Variants in COL28A1 observed in about 807,000 individuals in gnomAD.
COL28A1 encodes collagen alpha-1(XXVIII) chain.
A neutral mutation model predicts 150.2 loss-of-function variants in COL28A1; 161 were observed. The ratio of observed to expected loss-of-function variants is 1.07; its 90% CI spans 0.94 to 1.22. The LOEUF (loss-of-function observed/expected upper bound fraction) is 1.22, where lower values mean the gene tolerates loss of function less well. Ranked by LOEUF, COL28A1 falls within the 50% of genes most tolerant of loss-of-function variation. The pLI is 0.00. For missense variants in COL28A1, 1,617 were observed against 1,388.3 expected (o/e 1.16, Z -2.62); for synonymous variants, 552 against 469.7 (o/e 1.18, Z -2.26).
intron 11 of COL28A1, among the ~76,000 whole-genome samples, chr7:7,497,082 AAAGGAAGGAAGAAAGGAAGGAAGGAAGG>A (rs1408345113): frequency 5.8e-5 from 7 of 120,784 alleles, no homozygotes; most frequent in African/African-American, 2.1e-4. Context: ...AGGAAGGAAG[AAAGGAAGGAAGAAAGGAAGGAAGGAAGG>A]AAGGAAGGAA....
At chr7:7,431,449 A>G (rs556816149) in intron 25 of COL28A1, 77 of 458,486 alleles carry the variant, frequency 1.7e-4, no homozygotes, top group Middle Eastern at 7.9e-4. Context: ...TGGGGTAGTA[A>G]TGCTTTCTGT....
At chr7:7,363,052 C>T (rs907216995) in intron 33 of COL28A1, among the ~76,000 whole-genome samples, 11 of 151,956 alleles carry the variant, frequency 7.2e-5, no homozygotes, top group Non-Finnish European at 1.6e-4. Context: ...TAGTGACAAA[C>T]CTTCAGGAAA....
intron 9 of COL28A1, 26 bp from the exon 10 acceptor site, chr7:7,507,187 C>T (rs1380219386): frequency 2.0e-6 from 2 of 996,924 alleles, no homozygotes; most frequent in Non-Finnish European, 3.2e-6. Context: ...GAAAATAAGT[C>T]TCTCTAAATA....
At chr7:7,419,645 CA>C (rs767361519) in intron 26 of COL28A1, among the ~76,000 whole-genome samples, 13 of 152,176 alleles carry the variant, frequency 8.5e-5, no homozygotes, top group Non-Finnish European at 1.6e-4. Flanking sequence ...ATGTTCTGAG[CA>C]CTTTGCAGTT....
chr7:7,461,022 C>G (rs570590813), intron 15 of COL28A1, among the ~76,000 whole-genome samples: 1 of 152,168 alleles, frequency 6.6e-6, no homozygotes, highest in African/African-American at 2.4e-5. Flanking sequence ...AGAAAACCCA[C>G]GGACTTGCTG....
chr7:7,443,127 TC>T (rs1785941803), intron 20 of COL28A1, among the ~76,000 whole-genome samples: 1 of 152,164 alleles, frequency 6.6e-6, no homozygotes, highest in Non-Finnish European at 1.5e-5. Flanking sequence ...ATTTGTATAG[TC>T]TCATCTTAAC....
rs33991942 is a variant in COL28A1 at position 7,391,801 on chromosome 7, C to CTT, written c.2137-10191_2137-10190dup. Among the ~76,000 whole-genome samples, 381 of 115,828 alleles carry CTT rather than the reference C, an allele frequency of 3.3e-3. 3 individuals carry two copies. The highest frequency in any genetic ancestry group is 5.5e-3 in the Non-Finnish European group (311 of 56,296). 76.0% of individuals were successfully genotyped at this position (115,828 alleles called of 152,430 possible). A position where few individuals can be genotyped will look rare whatever the true frequency, so the allele number is the denominator to read the frequency against. ...TCAGAGACTAGGATTGCAACCCCTG[C>CTT]TTTTTTTTTTTTTTTTTTTGCTTTC... On this transcript the variant is annotated intron_variant, in intron 27 of 34. Coordinates refer to ENST00000399429, the MANE Select transcript of COL28A1 (RefSeq NM_001037763.3).
chr7:7,540,670 T>C (rs944200598), upstream of COL28A1, among the ~76,000 whole-genome samples: 14 of 152,320 alleles, frequency 9.2e-5, no homozygotes, highest in African/African-American at 3.4e-4. Context: ...GGAAGCTGTA[T>C]GGCTAATAAT....
At chr7:7,461,213 G>A (rs1787593580) in intron 15 of COL28A1, among the ~76,000 whole-genome samples, 1 of 152,224 alleles carries the variant, frequency 6.6e-6, no homozygotes, top group South Asian at 2.1e-4. Context: ...CAGGAGTAGA[G>A]AAAGCAGCAG....
chr7:7,399,426 A>G lies in COL28A1; in HGVS notation c.2137-17814T>C, dbSNP rs150132988. Among the ~76,000 whole-genome samples the G allele has an allele frequency of 7.1e-3, 1,086 of 152,236 alleles. 7 individuals carry two copies. Among genetic ancestry groups the G allele is most frequent in the Middle Eastern group, 0.017 (5 of 294 alleles). On this transcript the variant is annotated intron_variant, in intron 27 of 34. Transcript: ENST00000399429. ...TATTATAAACTCCCAAAGTGGAGGC[A>G]TTTCTCCTTATTAGCCTTTCTACCT... is the stretch of plus-strand genomic sequence containing the variant.
intron 23 of COL28A1, 53 bp from the exon 24 acceptor site, chr7:7,432,753 G>T (rs754792415): frequency 2.1e-6 from 3 of 1,422,164 alleles, no homozygotes; most frequent in Non-Finnish European, 3.0e-6. Context: ...GAAAACACCT[G>T]GTCAAACTTA....
At chr7:7,532,985 A>G in intron 1 of COL28A1, 73 bp from the exon 2 acceptor site, 1 of 1,358,420 alleles carries the variant, frequency 7.4e-7, no homozygotes, top group Non-Finnish European at 9.5e-7. Flanking sequence ...TCAAGCCAGC[A>G]GGGTTGAAAA....
chr7:7,471,112 A>T (rs967707186), intron 15 of COL28A1, among the ~76,000 whole-genome samples: 17 of 140,062 alleles, frequency 1.2e-4, no homozygotes, highest in East Asian at 4.0e-4. Context: ...AGAGTATAAT[A>T]AAAAAAAATA....
chr7:7,425,715 A>C (rs959201078), intron 25 of COL28A1, among the ~76,000 whole-genome samples: 9 of 152,216 alleles, frequency 5.9e-5, no homozygotes, highest in Non-Finnish European at 1.3e-4. Context: ...GATGTTTTAC[A>C]TACATTAGTC....
rs879226739 is a variant in COL28A1 at position 7,417,889 on chromosome 7, G to A, written c.2106C>T (p.Gly702=). ...TGQKGLPGPP[G]PPGYGSQGIK... is the part of the protein sequence containing the mutation. Reference sequence around the variant, plus strand: ...TTCCCTGTGATCCATAGCCAGGGGGGCCAGGAGGGCCAGGCAAGCCTTTCT... The same window carrying A: ...TTCCCTGTGATCCATAGCCAGGGGGACCAGGAGGGCCAGGCAAGCCTTTCT... Residue 702 remains glycine (G), a synonymous_variant, in exon 27 of 35, where the codon GGC becomes GGT. Coordinates refer to ENST00000399429, the MANE Select transcript of COL28A1 (RefSeq NM_001037763.3). The A allele has an allele frequency of 5.0e-6, 8 of 1,613,360 alleles. No individual in the cohort carries two copies. Among genetic ancestry groups the A allele is most frequent in the South Asian group, 3.3e-5 (3 of 90,938 alleles).
At chr7:7,361,800 A>C (rs1327436086) in intron 33 of COL28A1, among the ~76,000 whole-genome samples, 2 of 151,288 alleles carry the variant, frequency 1.3e-5, no homozygotes, top group Non-Finnish European at 2.9e-5. Context: ...CATCAATGAT[A>C]GACTGGATAA....
chr7:7,425,932 T>TC (rs1784624129), intron 25 of COL28A1, among the ~76,000 whole-genome samples: 1 of 152,182 alleles, frequency 6.6e-6, no homozygotes, highest in Non-Finnish European at 1.5e-5. Flanking sequence ...GAGGAAATAA[T>TC]CAGCCCATTA....
intron 10 of COL28A1, 90 bp from the exon 11 acceptor site, chr7:7,506,157 A>G: frequency 1.3e-6 from 1 of 797,672 alleles, no homozygotes; most frequent in South Asian, 1.4e-5. Context: ...GATCCTGGCG[A>G]TCGAAGTTAG....
At chr7:7,458,866 T>C (rs1208006206) in intron 15 of COL28A1, among the ~76,000 whole-genome samples, 1 of 152,176 alleles carries the variant, frequency 6.6e-6, no homozygotes, top group African/African-American at 2.4e-5. Flanking sequence ...AAATATTTGT[T>C]AAACACATAA....
Sources: gnomAD v4.1 joint callset for allele counts (sites outside exome capture counted in the v4.1 genomes callset) on GRCh38, gnomAD v4.1.1 for gene constraint, MANE v1.5 for transcripts, NCBI Gene and HGNC (gene_info 2026-07-23, HGNC 2026-07-21) for gene names.